INPP4A: variants seen among roughly 807,000 people sequenced by gnomAD.
INPP4A encodes the protein inositol polyphosphate-4-phosphatase type I A, also known as inositol polyphosphate-4-phosphatase, type I, 107kD.
INPP4A carries 33 observed loss-of-function variants against 119.8 expected under a neutral mutation model. The observed-to-expected ratio is 0.28, with a 90% confidence interval of 0.21 to 0.37. The LOEUF is 0.37. Ranked by LOEUF, INPP4A falls within the 10% of genes least tolerant of loss-of-function variation. The pLI is 1.00. For synonymous variants in INPP4A, 496 were observed against 500.7 expected (o/e 0.99, Z 0.12); for missense variants, 956 against 1,289.9 (o/e 0.74, Z 3.97).
intron 24 of INPP4A, among the ~76,000 whole-genome samples, chr2:98,586,684 A>G (rs1304401518): frequency 1.3e-5 from 2 of 151,806 alleles, no homozygotes; most frequent in African/African-American, 4.8e-5. Flanking sequence ...TGCCATGGCA[A>G]CCCTCCATCA....
intron 11 of INPP4A, among the ~76,000 whole-genome samples, chr2:98,544,471 A>G (rs1247212746): frequency 1.3e-5 from 2 of 152,254 alleles, no homozygotes; most frequent in Non-Finnish European, 2.9e-5. Context: ...TCTATTAAAC[A>G]TATGAATTGT....
chr2:98,534,180 C>T (rs151302788), intron 5 of INPP4A, among the ~76,000 whole-genome samples: 7 of 152,366 alleles, frequency 4.6e-5, no homozygotes, highest in Non-Finnish European at 8.8e-5. Flanking sequence ...TCCAAGTTCA[C>T]GTCAACAATT....
intron 1 of INPP4A, among the ~76,000 whole-genome samples, chr2:98,506,447 G>A (rs553573231): frequency 2.0e-5 from 3 of 151,214 alleles, no homozygotes; most frequent in East Asian, 3.9e-4. Flanking sequence ...AGGACCAGGC[G>A]AGTCAAAACA....
chr2:98,467,883 GTTAT>G (rs764602217), intron 1 of INPP4A, among the ~76,000 whole-genome samples: 26 of 152,052 alleles, frequency 1.7e-4, no homozygotes, highest in African/African-American at 3.9e-4. Flanking sequence ...CTGTCTAATA[GTTAT>G]TTATTTCTTG....
At chr2:98,497,881 C>A (rs1246035471) in intron 1 of INPP4A, among the ~76,000 whole-genome samples, 3 of 152,132 alleles carry the variant, frequency 2.0e-5, no homozygotes, top group African/African-American at 7.2e-5. Context: ...ACCGGTAGCC[C>A]CTTTATTTTG....
chr2:98,469,459 C>T (rs562264044), intron 1 of INPP4A, among the ~76,000 whole-genome samples: 2 of 150,508 alleles, frequency 1.3e-5, no homozygotes, highest in East Asian at 3.9e-4. Context: ...GAGATCGCGC[C>T]ATTGCACTCC....
intron 4 of INPP4A, among the ~76,000 whole-genome samples, chr2:98,531,847 G>T (rs1689297175): frequency 6.6e-6 from 1 of 152,218 alleles, no homozygotes; most frequent in Non-Finnish European, 1.5e-5. Context: ...GAAGGCTGAT[G>T]ATTCCAGATG....
At chr2:98,455,353 A>G (rs1695947093) in intron 1 of INPP4A, among the ~76,000 whole-genome samples, 1 of 152,074 alleles carries the variant, frequency 6.6e-6, no homozygotes, top group South Asian at 2.1e-4. Context: ...AAAAAGAAAA[A>G]AAAAAGATAC....
At chr2:98,530,150 T>A (rs1688941564) in intron 4 of INPP4A, among the ~76,000 whole-genome samples, 1 of 149,736 alleles carries the variant, frequency 6.7e-6, no homozygotes, top group Non-Finnish European at 1.5e-5. Context: ...AATCTTTTTC[T>A]AGATAAATAA....
intron 1 of INPP4A, among the ~76,000 whole-genome samples, chr2:98,466,500 A>G (rs929929681): frequency 1.3e-5 from 2 of 152,270 alleles, no homozygotes; most frequent in Non-Finnish European, 2.9e-5. Context: ...GTGCCTCAGC[A>G]TGCAGCACTT....
chr2:98,451,362 T>G (rs1387626108), intron 1 of INPP4A, among the ~76,000 whole-genome samples: 2 of 152,048 alleles, frequency 1.3e-5, no homozygotes, highest in East Asian at 3.9e-4. Context: ...AGTGGGGGGA[T>G]CATGCTCTGG....
At chr2:98,468,930 A>T (rs922827007) in intron 1 of INPP4A, among the ~76,000 whole-genome samples, 1 of 141,132 alleles carries the variant, frequency 7.1e-6, no homozygotes, top group Non-Finnish European at 1.5e-5. Flanking sequence ...CAGAGCAGAG[A>T]TGAGTCAACC....
chr2:98,572,669 T>G, intron 22 of INPP4A, 146 bp from the exon 23 acceptor site: 1 of 583,544 alleles, frequency 1.7e-6, no homozygotes, highest in South Asian at 2.2e-5. Flanking sequence ...AGCCATGTCC[T>G]ATCCCCAAAC....
At chr2:98,508,950 G>T (rs1395412716) in intron 1 of INPP4A, among the ~76,000 whole-genome samples, 1 of 152,168 alleles carries the variant, frequency 6.6e-6, no homozygotes, top group South Asian at 2.1e-4. Flanking sequence ...ACACTGGGTT[G>T]ATTCACCTCA....
intron 1 of INPP4A, among the ~76,000 whole-genome samples, chr2:98,506,762 T>A (rs780983052): frequency 5.3e-5 from 8 of 152,102 alleles, no homozygotes; most frequent in African/African-American, 1.7e-4. Context: ...TGGTGGCTGC[T>A]CCTCACAAGA....
chr2:98,537,596 G>A (rs1163743370), intron 7 of INPP4A, among the ~76,000 whole-genome samples: 1 of 152,152 alleles, frequency 6.6e-6, no homozygotes, highest in Non-Finnish European at 1.5e-5. Flanking sequence ...CCTCCTCAGG[G>A]AGGCCCCCTC....
chr2:98,474,545 C>T (rs1676812270), intron 1 of INPP4A, among the ~76,000 whole-genome samples: 1 of 152,222 alleles, frequency 6.6e-6, no homozygotes, highest in Non-Finnish European at 1.5e-5. Flanking sequence ...GGTGAATGGC[C>T]TGCCCGGGCC....
intron 1 of INPP4A, among the ~76,000 whole-genome samples, chr2:98,481,385 C>A (rs115023871): frequency 6.6e-6 from 1 of 152,132 alleles, no homozygotes; most frequent in East Asian, 1.9e-4. Context: ...TCCCTTGGCA[C>A]GCATAAATCG....
intron 1 of INPP4A, among the ~76,000 whole-genome samples, chr2:98,487,507 C>T (rs1318301895): frequency 1.3e-5 from 2 of 152,234 alleles, no homozygotes; most frequent in African/African-American, 2.4e-5. Flanking sequence ...GCTGGGATTT[C>T]AGGCGTGAGC....
Sources: allele counts gnomAD v4.1 joint callset (sites outside exome capture counted in the v4.1 genomes callset), GRCh38; gene constraint gnomAD v4.1.1; transcripts MANE v1.5; gene names NCBI Gene and HGNC (gene_info 2026-07-23, HGNC 2026-07-21).